Variants in CPED1 observed in about 807,000 individuals in gnomAD.
CPED1 encodes the protein cadherin like and PC-esterase domain containing 1.
Under a neutral mutation model 128.2 loss-of-function variants are expected in CPED1, and 114 were observed. The ratio of observed to expected loss-of-function variants is 0.89; its 90% CI spans 0.76 to 1.04. The LOEUF (loss-of-function observed/expected upper bound fraction) is 1.04. Ranked by LOEUF, CPED1 falls within the 50% of genes least tolerant of loss-of-function variation. The pLI is 0.00. For missense variants in CPED1, 1,211 were observed against 1,207.1 expected, an observed-to-expected ratio of 1.00 and a Z score of -0.05; for synonymous variants, 462 against 426.7, an observed-to-expected ratio of 1.08 and a Z score of -1.02.
At chr7:120,997,331 G>T (rs750249166) in intron 2 of CPED1, among the ~76,000 whole-genome samples, 1 of 152,224 alleles carries the variant, frequency 6.6e-6, no homozygotes, top group Non-Finnish European at 1.5e-5. Flanking sequence ...TGAAGAGAAA[G>T]AAGGTCACAG....
intron 3 of CPED1, among the ~76,000 whole-genome samples, chr7:121,034,875 T>C (rs1027846997): frequency 6.6e-6 from 1 of 152,162 alleles, no homozygotes; most frequent in Non-Finnish European, 1.5e-5. Context: ...TTAAATGTAA[T>C]ATCAGGTAAA....
chr7:121,064,090 C>T, intron 4 of CPED1, 148 bp from the exon 5 acceptor site: 1 of 528,300 alleles, frequency 1.9e-6, no homozygotes, highest in Non-Finnish European at 3.4e-6. Flanking sequence ...TCTGGATTTG[C>T]ATGTTGACTT....
intron 11 of CPED1, among the ~76,000 whole-genome samples, chr7:121,129,286 TGTATATATATATATATATATATATAC>T (rs201248988): frequency 0.047 from 3,613 of 76,464 alleles, 90 homozygotes; most frequent in Non-Finnish European, 0.054. Flanking sequence ...TGTGTATATA[TGTATATATATATATATATATATATAC>T]GTATATATAT....
chr7:121,135,585 T>C (rs563912748), intron 13 of CPED1, among the ~76,000 whole-genome samples: 42 of 152,236 alleles, frequency 2.8e-4, no homozygotes, highest in Middle Eastern at 6.8e-3. Flanking sequence ...TATAAATGAA[T>C]GATTTAAGCA....
chr7:121,244,117 T>C (rs895932753), intron 17 of CPED1, 85 bp from the exon 18 acceptor site: 5 of 1,483,836 alleles, frequency 3.4e-6, no homozygotes, highest in Non-Finnish European at 3.8e-6. Flanking sequence ...ATTTCTGAAA[T>C]GGTGTGCCAT....
At chr7:121,239,075 G>A (rs1037712498) in intron 17 of CPED1, among the ~76,000 whole-genome samples, 1 of 152,162 alleles carries the variant, frequency 6.6e-6, no homozygotes, top group African/African-American at 2.4e-5. Context: ...TGTATCACTT[G>A]CTGCTAGAGA....
At position 121,159,818 on chromosome 7, in the gene CPED1, C is replaced by T. The variant is rs1315691653; in HGVS notation, c.2055+17677C>T. 2.0e-5 allele frequency among the ~76,000 whole-genome samples: 3 copies of T among 152,240 alleles called. No homozygotes were observed. In the East Asian group the frequency reaches 5.8e-4, roughly 29 times the overall value. Reference sequence around the variant, plus strand: ...GCCAAAGCTTAGGTCTTTTATCATCCTCACGTAGCACAATGCCTGGAAAGT... The same window carrying T: ...GCCAAAGCTTAGGTCTTTTATCATCTTCACGTAGCACAATGCCTGGAAAGT... On this transcript the variant is annotated intron_variant, in intron 16 of 22. Coordinates refer to ENST00000310396, the MANE Select transcript of CPED1 (RefSeq NM_024913.5).
intron 16 of CPED1, among the ~76,000 whole-genome samples, chr7:121,192,817 ACT>A (rs1797174971): frequency 6.6e-6 from 1 of 152,008 alleles, no homozygotes; most frequent in Non-Finnish European, 1.5e-5. Flanking sequence ...CAAAGAGAAG[ACT>A]CTTATATCAA....
intron 16 of CPED1, among the ~76,000 whole-genome samples, chr7:121,219,061 G>T (rs1285140227): frequency 6.6e-6 from 1 of 152,030 alleles, no homozygotes; most frequent in Non-Finnish European, 1.5e-5. Context: ...GTAACACACA[G>T]ATCCAACACT....
intron 18 of CPED1, among the ~76,000 whole-genome samples, chr7:121,264,456 G>A (rs1358462512): frequency 6.6e-6 from 1 of 152,140 alleles, no homozygotes; most frequent in African/African-American, 2.4e-5. Flanking sequence ...TGTTCCAAAT[G>A]CAACCTGGCT....
At chr7:121,271,865 A>G (rs1421185072) in intron 22 of CPED1, among the ~76,000 whole-genome samples, 6 of 152,126 alleles carry the variant, frequency 3.9e-5, no homozygotes, top group Non-Finnish European at 8.8e-5. Flanking sequence ...CATAACAGGA[A>G]GACCTGTGTT....
chr7:121,035,661 C>G lies in CPED1; in HGVS notation c.434-11226C>G, dbSNP rs1012186817. Among the ~76,000 whole-genome samples, 62 of 151,850 alleles carry G rather than the reference C, an allele frequency of 4.1e-4. 1 individual carries two copies. The highest frequency in any genetic ancestry group is 2.0e-3 in the Admixed American group (30 of 15,234). ...CCATCCTGGGCAACAGAGTGAGACC[C>G]CTGTCTCTACAAAAAATTAAAAAAT... On this transcript the variant is annotated intron_variant, in intron 3 of 22. Transcript: ENST00000310396.
intron 7 of CPED1, among the ~76,000 whole-genome samples, chr7:121,108,815 C>T (rs573738572): frequency 2.6e-5 from 4 of 152,070 alleles, no homozygotes; most frequent in African/African-American, 9.6e-5. Flanking sequence ...TTCCATAAAA[C>T]TCTAGTCTAA....
chr7:121,245,308 T>C (rs1289560446), intron 18 of CPED1, among the ~76,000 whole-genome samples: 1 of 152,114 alleles, frequency 6.6e-6, no homozygotes, highest in Non-Finnish European at 1.5e-5. Context: ...GATCAATCAG[T>C]AGTGTTAGTT....
At chr7:121,041,727 C>A (rs1225684739) in intron 3 of CPED1, among the ~76,000 whole-genome samples, 1 of 152,100 alleles carries the variant, frequency 6.6e-6, no homozygotes, top group Non-Finnish European at 1.5e-5. Flanking sequence ...TAAAACCAAA[C>A]AAAACAAAAA....
intron 3 of CPED1, among the ~76,000 whole-genome samples, chr7:121,040,669 AG>A (rs566248822): frequency 1.7e-3 from 256 of 152,188 alleles, no homozygotes; most frequent in African/African-American, 6.0e-3. Context: ...TGTGAAAAGA[AG>A]GGTAATACAA....
At chr7:121,046,243 G>A (rs767681104) in intron 3 of CPED1, among the ~76,000 whole-genome samples, 85 of 152,040 alleles carry the variant, frequency 5.6e-4, no homozygotes, top group African/African-American at 1.8e-3. Flanking sequence ...ATTTGCTTTC[G>A]TCTGTGTTAT....
intron 16 of CPED1, among the ~76,000 whole-genome samples, 187 bp downstream of exon 16, chr7:121,142,328 A>C (rs1281514070): frequency 6.6e-6 from 1 of 152,010 alleles, no homozygotes; most frequent in Non-Finnish European, 1.5e-5. Context: ...TTTTCTTTTT[A>C]GTGTGATGGC....
rs1249205358 is a variant in CPED1, at chr7:120,989,826, A to C, written c.205A>C (p.Lys69Gln). The C allele has an allele frequency of 1.2e-6, 2 of 1,614,154 alleles. No individual in the cohort carries two copies. The highest frequency in any genetic ancestry group is 2.2e-5 in the East Asian group (1 of 44,870). The change falls in exon 2 of 23, where the codon AAA becomes CAA. Residue 69 changes from lysine (K) to glutamine (Q), a missense_variant. By Grantham distance (53) the Lys-to-Gln change is moderately conservative. Coordinates refer to ENST00000310396, the MANE Select transcript of CPED1 (RefSeq NM_024913.5). ...SRCKKGFSQD[K>Q]QCFLLSGNAQ... is the part of the protein sequence containing the mutation. Reference sequence around the variant, plus strand: ...ATGCAAGAAAGGATTCTCTCAGGACAAACAGTGCTTCCTTCTCTCTGGTAA... The same window carrying C: ...ATGCAAGAAAGGATTCTCTCAGGACCAACAGTGCTTCCTTCTCTCTGGTAA...
Sources: allele counts gnomAD v4.1 joint callset (sites outside exome capture counted in the v4.1 genomes callset), GRCh38; gene constraint gnomAD v4.1.1; transcripts MANE v1.5; gene names NCBI Gene and HGNC (gene_info 2026-07-23, HGNC 2026-07-21).